COL4A4: variants seen among roughly 807,000 people sequenced by gnomAD.
COL4A4 encodes the protein collagen alpha-4(IV) chain.
COL4A4 carries 105 observed loss-of-function variants against 192.9 expected under a neutral mutation model. The ratio of observed to expected loss-of-function variants is 0.54; its 90% CI spans 0.46 to 0.64. The LOEUF is 0.64. Ranked by LOEUF, COL4A4 falls within the 30% of genes least tolerant of loss-of-function variation. The pLI, the probability that COL4A4 is intolerant of heterozygous loss-of-function variation, is 0.00. For missense variants in COL4A4, 1,967 were observed against 2,169.3 expected (o/e 0.91, Z 1.85); for synonymous variants, 762 against 769.9 (o/e 0.99, Z 0.17).
chr2:227,028,191 CA>C lies in COL4A4; in HGVS notation c.3974-183del, dbSNP rs1423211729. ...TTAGACGGGTTGCCTCTGAAGGAAA[CA>C]CATGATCGGCCGAAAGAACTAAGGA... On this transcript the variant is annotated intron_variant, in intron 41 of 47. Coordinates refer to ENST00000396625, the MANE Select transcript of COL4A4 (RefSeq NM_000092.5). 2.0e-5 allele frequency among the ~76,000 whole-genome samples: 3 copies of C among 152,282 alleles called. No homozygotes were observed. The East Asian group carries it at 5.8e-4, about 29-fold the overall frequency.
chr2:227,103,272 A>G (rs2060627617), intron 13 of COL4A4, 75 bp from the exon 14 acceptor site: 2 of 1,177,764 alleles, frequency 1.7e-6, no homozygotes, highest in East Asian at 4.7e-5. Context: ...TTCAGAAATC[A>G]TCTCTTTTTA....
the COL4A4 span, chr2:226,995,452 C>T: frequency 3.2e-5 from 51 of 1,612,420 alleles, no homozygotes; most frequent in Non-Finnish European, 4.0e-5. Context: ...AATAGCCCAC[C>T]ACCCTACGGG....
intron 3 of COL4A4, among the ~76,000 whole-genome samples, chr2:227,142,757 C>CAAAA (rs35268319): frequency 1.5e-5 from 1 of 66,908 alleles, no homozygotes. Flanking sequence ...CCCTGTCTCA[C>CAAAA]AAAAAAAAAA....
intron 44 of COL4A4, among the ~76,000 whole-genome samples, chr2:227,018,932 C>G (rs10933165): frequency 0.44 from 66,797 of 152,058 alleles, 14,783 homozygotes; most frequent in South Asian, 0.55. Flanking sequence ...TGTTCTTGTT[C>G]ATGTCAAAGA....
At chr2:226,980,611 CTTAA>C in the COL4A4 span, among the ~76,000 whole-genome samples, 1 of 152,182 alleles carries the variant, frequency 6.6e-6, no homozygotes, top group Admixed American at 6.5e-5. Flanking sequence ...CCCATCCACA[CTTAA>C]TTAAATCTGT....
At chr2:227,147,279 G>A (rs2063609152) in intron 2 of COL4A4, 134 bp downstream of exon 2, 1 of 837,536 alleles carries the variant, frequency 1.2e-6, no homozygotes, top group South Asian at 1.3e-5. Context: ...TCATGAAATG[G>A]CAGACATACC....
Position 227,030,550 on chromosome 2 carries a change from C to G in COL4A4, c.3866G>C (p.Gly1289Ala), listed in dbSNP as rs772151223. 1.2e-6 allele frequency: 2 copies of G among 1,613,846 alleles called. No individual in the cohort carries two copies. Among genetic ancestry groups the G allele is most frequent in the African/African-American group, 1.3e-5 (1 of 74,904 alleles). Residue 1289 changes from glycine to alanine, a missense_variant, in exon 41 of 48, where the codon GGG (glycine) becomes GCG (alanine). Physicochemically the swap from Gly to Ala is moderately conservative, Grantham distance 60. Transcript: ENST00000396625. ...TGGTAGACCACAGTCACCTGGCTCC[C>G]CTCTCAGAAGGTCAACACTCCCAGG... ...GLPGSVDLLR[G>A]EPGDCGLPGP...
At chr2:227,044,076 T>C (rs926626890) in intron 35 of COL4A4, among the ~76,000 whole-genome samples, 7 of 152,244 alleles carry the variant, frequency 4.6e-5, no homozygotes, top group Non-Finnish European at 5.9e-5. Flanking sequence ...TCTAGTTTTC[T>C]AGAACAGACC....
At chr2:227,065,808 A>C (rs1400141264) in intron 25 of COL4A4, among the ~76,000 whole-genome samples, 3 of 152,236 alleles carry the variant, frequency 2.0e-5, no homozygotes, top group Non-Finnish European at 4.4e-5. Flanking sequence ...AACTCTAAAA[A>C]CCAGAGCACC....
chr2:227,163,765 G>A (rs111315551), intron 1 of COL4A4, among the ~76,000 whole-genome samples: 4,752 of 152,300 alleles, frequency 0.031, 105 homozygotes, highest in Non-Finnish European at 0.048. Context: ...TTGGCATTTT[G>A]GAGTGCCCCG....
At chr2:227,000,212 T>G (rs1424297274), downstream of COL4A4, among the ~76,000 whole-genome samples, 2 of 152,230 alleles carry the variant, frequency 1.3e-5, no homozygotes, top group Non-Finnish European at 2.9e-5. Context: ...CTTCAGGGTG[T>G]GCACCCAGGG....
chr2:227,038,433 TTTTGGTACC>T (rs1970124194), intron 37 of COL4A4, among the ~76,000 whole-genome samples: 3 of 152,208 alleles, frequency 2.0e-5, no homozygotes, highest in African/African-American at 7.2e-5. Context: ...AAGATATCTG[TTTTGGTACC>T]AGTACCATGC....
At chr2:227,056,591 T>C (rs1171780508) in intron 29 of COL4A4, among the ~76,000 whole-genome samples, 1 of 152,182 alleles carries the variant, frequency 6.6e-6, no homozygotes, top group Non-Finnish European at 1.5e-5. Context: ...ATAAAAGCAA[T>C]GGGATTTAAA....
At chr2:227,012,824 G>A (rs1964074499) in intron 44 of COL4A4, among the ~76,000 whole-genome samples, 1 of 152,150 alleles carries the variant, frequency 6.6e-6, no homozygotes, top group South Asian at 2.1e-4. Flanking sequence ...TTTACAATGT[G>A]CTAGGTACCA....
intron 21 of COL4A4, 123 bp from the exon 22 acceptor site, chr2:227,088,939 A>C: frequency 8.6e-7 from 1 of 1,169,516 alleles, no homozygotes; most frequent in South Asian, 1.3e-5. Context: ...CTTCTTGCAG[A>C]CAATTGAGAG....
chr2:226,967,820 G>A, the COL4A4 span, among the ~76,000 whole-genome samples: 1 of 152,052 alleles, frequency 6.6e-6, no homozygotes, highest in Non-Finnish European at 1.5e-5. Flanking sequence ...TCAGGGTAGA[G>A]GGGTTACAAT....
rs1055890046 is a variant in COL4A4 at position 227,012,363 on chromosome 2, T to G, written c.4217-66A>C. 4 of 1,285,206 alleles carry G rather than the reference T, an allele frequency of 3.1e-6. No individual in the cohort carries two copies. The African/African-American group carries it at 4.4e-5, about 14-fold the overall frequency. The allele number at this position is 1,285,206 out of a possible 1,614,324, so 79.6% of individuals were successfully genotyped here. A position where few individuals can be genotyped will look rare whatever the true frequency, so the allele number is the denominator to read the frequency against. On this transcript the variant is annotated intron_variant, in intron 44 of 47. Coordinates refer to ENST00000396625, the MANE Select transcript of COL4A4 (RefSeq NM_000092.5). ...GACACCTGCTAGCATTTACCGTGCT[T>G]ATACCGTATGCCAGCCGTGTGCCAG... is the stretch of plus-strand genomic sequence containing the variant.
intron 4 of COL4A4, among the ~76,000 whole-genome samples, chr2:227,131,644 C>T (rs147473432): frequency 7.2e-5 from 11 of 152,300 alleles, no homozygotes; most frequent in African/African-American, 1.9e-4. Flanking sequence ...AAAAAAGATA[C>T]GACATGTCTT....
rs142670626 is a variant in COL4A4, at chr2:227,078,525, G to A, written c.1804-448C>T. On this transcript the variant is annotated intron_variant, in intron 24 of 47. Coordinates refer to ENST00000396625, the MANE Select transcript of COL4A4 (RefSeq NM_000092.5). ...GCAGGGATTACAGGCGTCAGCCACC[G>A]CGCCTGGCCAATATACACATTTTAC... 1.0e-3 allele frequency among the ~76,000 whole-genome samples: 155 copies of A among 152,232 alleles called. 2 individuals carry two copies. The highest frequency in any genetic ancestry group is 5.8e-3 in the East Asian group (30 of 5,190).
Sources: allele counts gnomAD v4.1 joint callset (sites outside exome capture counted in the v4.1 genomes callset), GRCh38; gene constraint gnomAD v4.1.1; transcripts MANE v1.5; gene names NCBI Gene and HGNC (gene_info 2026-07-23, HGNC 2026-07-21).